MYCT1: variants seen among roughly 807,000 people sequenced by gnomAD.
MYCT1 encodes MYC target 1, also known as myc target protein 1.
In MYCT1, 12 loss-of-function variants were observed where a neutral mutation model predicts 15.0. The ratio of observed to expected loss-of-function variants is 0.80; its 90% CI spans 0.51 to 1.29. The LOEUF (loss-of-function observed/expected upper bound fraction) is 1.29. Among genes scored for constraint, MYCT1 ranks in the 50% most tolerant of loss-of-function variants. The probability of loss-of-function intolerance (pLI) is 0.00; values close to 1 mark genes in which losing one functional copy is unlikely to be tolerated. For missense variants in MYCT1, 287 were observed against 279.1 expected, an observed-to-expected ratio of 1.03 and a Z score of -0.20; for synonymous variants, 104 against 102.7, an observed-to-expected ratio of 1.01 and a Z score of -0.07.
intron 1 of MYCT1, among the ~76,000 whole-genome samples, chr6:152,713,320 A>G (rs554310073): frequency 2.0e-5 from 3 of 152,094 alleles, no homozygotes; most frequent in Non-Finnish European, 4.4e-5. Context: ...ACTTGAAATC[A>G]TTGAATATGG....
At chr6:152,725,397 G>A (rs2099725480), downstream of MYCT1, among the ~76,000 whole-genome samples, 2 of 152,238 alleles carry the variant, frequency 1.3e-5, no homozygotes, top group South Asian at 2.1e-4. Context: ...CTAAGAAAGT[G>A]CCCATGTACA....
In MYCT1 at chr6:152,722,209, C is replaced by T. The variant is rs368990101; in HGVS notation, c.664C>T (p.Pro222Ser). The T allele has an allele frequency of 1.9e-6, 3 of 1,614,018 alleles. No individual in the cohort carries two copies. The highest frequency in any genetic ancestry group is 1.3e-5 in the African/African-American group (1 of 74,916). Residue 222 changes from proline to serine, a missense_variant, in exon 2 of 2, where the codon CCA (proline) becomes TCA (serine). By Grantham distance (74) the Pro-to-Ser change is moderately conservative (BLOSUM62 -1). Transcript: ENST00000367245. ...SLRVGLSTPP[P>S]PAYESIIKAF... is the part of the protein sequence containing the mutation. The stretch of plus-strand genomic sequence containing the variant: ...TCGAGTGGGCCTTTCAACACCGCCC[C>T]CACCTGCCTATGAGTCCATCATCAA...
At chr6:152,728,832 G>C (rs1433888303), downstream of MYCT1, among the ~76,000 whole-genome samples, 1 of 152,182 alleles carries the variant, frequency 6.6e-6, no homozygotes, top group African/African-American at 2.4e-5. Context: ...CTTGAGCCCA[G>C]GGGGTTGAGG....
At chr6:152,726,961 C>T (rs1457124837), downstream of MYCT1, among the ~76,000 whole-genome samples, 13 of 152,030 alleles carry the variant, frequency 8.6e-5, no homozygotes, top group African/African-American at 1.9e-4. Flanking sequence ...AGGCCGGGCG[C>T]GGTGGCTCAT....
intron 1 of MYCT1, among the ~76,000 whole-genome samples, chr6:152,706,880 T>A (rs1007506160): frequency 2.0e-5 from 3 of 151,786 alleles, no homozygotes; most frequent in Non-Finnish European, 4.4e-5. Flanking sequence ...TGTGTATGCA[T>A]ATATATGTCA....
intron 1 of MYCT1, among the ~76,000 whole-genome samples, chr6:152,702,843 A>C (rs2099721564): frequency 6.6e-6 from 1 of 152,242 alleles, no homozygotes; most frequent in African/African-American, 2.4e-5. Flanking sequence ...TTGAAAAACA[A>C]ACATTTACAA....
the MYCT1 span, among the ~76,000 whole-genome samples, chr6:152,740,431 T>G: frequency 1.3e-5 from 2 of 152,190 alleles, no homozygotes; most frequent in African/African-American, 4.8e-5. Context: ...GAAATTTGCT[T>G]CTTTTCTTAC....
At chr6:152,700,713 T>G (rs1300298244) in intron 1 of MYCT1, among the ~76,000 whole-genome samples, 1 of 152,262 alleles carries the variant, frequency 6.6e-6, no homozygotes, top group South Asian at 2.1e-4. Flanking sequence ...ATTTGCCATG[T>G]CCTCCTCTAA....
At chr6:152,739,615 A>G in the MYCT1 span, among the ~76,000 whole-genome samples, 9 of 151,978 alleles carry the variant, frequency 5.9e-5, no homozygotes, top group East Asian at 1.7e-3. Flanking sequence ...TATTGCATGA[A>G]TTTTCTATTC....
At chr6:152,740,709 A>G in the MYCT1 span, among the ~76,000 whole-genome samples, 163 of 152,300 alleles carry the variant, frequency 1.1e-3, no homozygotes, top group African/African-American at 3.6e-3. Flanking sequence ...TTTTAGGTGG[A>G]GCTGTCTTAC....
intron 1 of MYCT1, among the ~76,000 whole-genome samples, chr6:152,699,612 T>C (rs2099720981): frequency 6.6e-6 from 1 of 152,148 alleles, no homozygotes; most frequent in Non-Finnish European, 1.5e-5. Context: ...AGCTAGAGTC[T>C]GTCTAAATCA....
intron 1 of MYCT1, among the ~76,000 whole-genome samples, chr6:152,708,548 T>C (rs918320117): frequency 2.0e-5 from 3 of 152,150 alleles, no homozygotes; most frequent in Middle Eastern, 3.4e-3. Context: ...TCAATCAAGC[T>C]AATAGATTTA....
At chr6:152,717,049 G>C (rs2099723811) in intron 1 of MYCT1, among the ~76,000 whole-genome samples, 1 of 151,922 alleles carries the variant, frequency 6.6e-6, no homozygotes, top group Non-Finnish European at 1.5e-5. Context: ...ATTGTCAAAA[G>C]TCTGCCAGAA....
the MYCT1 span, among the ~76,000 whole-genome samples, chr6:152,746,707 AC>A: frequency 6.6e-6 from 1 of 152,156 alleles, no homozygotes; most frequent in Non-Finnish European, 1.5e-5. Flanking sequence ...ATTTCTCTAT[AC>A]CCTTCTTTTT....
At chr6:152,728,485 T>A (rs1024807784), downstream of MYCT1, among the ~76,000 whole-genome samples, 8 of 151,660 alleles carry the variant, frequency 5.3e-5, no homozygotes, top group Non-Finnish European at 7.4e-5. Flanking sequence ...ATGGGAAAAA[T>A]CGTTGTAAGA....
chr6:152,739,172 T>C, the MYCT1 span, among the ~76,000 whole-genome samples: 1 of 151,868 alleles, frequency 6.6e-6, no homozygotes, highest in African/African-American at 2.4e-5. Context: ...GGTTTCTTCG[T>C]TGCCAAATAG....
chr6:152,705,628 C>G, intron 1 of MYCT1: 1 of 163,398 alleles, frequency 6.1e-6, no homozygotes. Flanking sequence ...ATTTTTTTGA[C>G]TTTAAGATGA....
At chr6:152,732,136 T>C in the MYCT1 span, among the ~76,000 whole-genome samples, 1 of 152,210 alleles carries the variant, frequency 6.6e-6, no homozygotes, top group African/African-American at 2.4e-5. Flanking sequence ...AGACTTTTGT[T>C]TTGTTTTTTA....
intron 1 of MYCT1, among the ~76,000 whole-genome samples, chr6:152,718,605 A>AT (rs1051064539): frequency 5.9e-5 from 9 of 151,956 alleles, no homozygotes; most frequent in Non-Finnish European, 2.9e-5. Flanking sequence ...AATAGTTTCT[A>AT]TTTTTTTCTC....
Sources: allele counts gnomAD v4.1 joint callset (sites outside exome capture counted in the v4.1 genomes callset), GRCh38; gene constraint gnomAD v4.1.1; transcripts MANE v1.5; gene names NCBI Gene and HGNC (gene_info 2026-07-23, HGNC 2026-07-21).